CLVS1: variants seen among roughly 807,000 people sequenced by gnomAD.
The protein encoded by CLVS1 is clavesin-1.
A neutral mutation model predicts 33.1 loss-of-function variants in CLVS1; 10 were observed. That is an observed-to-expected ratio of 0.30 (90% CI 0.19 to 0.51). The LOEUF (loss-of-function observed/expected upper bound fraction) is 0.51, where lower values mean the gene tolerates loss of function less well. Ranked by LOEUF, CLVS1 falls within the 20% of genes least tolerant of loss-of-function variation. The pLI, the probability that CLVS1 is intolerant of heterozygous loss-of-function variation, is 0.97. For synonymous variants in CLVS1, 163 were observed against 166.1 expected (o/e 0.98, Z 0.14); for missense variants, 343 against 433.4 (o/e 0.79, Z 1.85).
chr8:61,381,239 T>C (rs1813865878), intron 3 of CLVS1, among the ~76,000 whole-genome samples: 1 of 152,122 alleles, frequency 6.6e-6, no homozygotes, highest in Non-Finnish European at 1.5e-5. Flanking sequence ...TGAGCCACTT[T>C]AGTAGAAAAG....
chr8:61,218,789 A>T (rs2129309060), intron 2 of CLVS1, among the ~76,000 whole-genome samples: 1 of 104,852 alleles, frequency 9.5e-6, no homozygotes, highest in Non-Finnish European at 1.7e-5. Flanking sequence ...ACAAAAAAAA[A>T]AAAAAAAAGC....
At chr8:61,025,451 T>C in the CLVS1 span, among the ~76,000 whole-genome samples, 2 of 152,204 alleles carry the variant, frequency 1.3e-5, no homozygotes, top group Non-Finnish European at 2.9e-5. Flanking sequence ...GAAGGTCTTT[T>C]TTCTGAGACT....
intron 2 of CLVS1, among the ~76,000 whole-genome samples, chr8:61,211,178 TG>T (rs1807963663): frequency 6.6e-6 from 1 of 152,078 alleles, no homozygotes; most frequent in Admixed American, 6.5e-5. Context: ...GTGAGAAATG[TG>T]GGGGTCATAT....
At chr8:61,499,035 C>CAA (rs1197362714) in intron 5 of CLVS1, among the ~76,000 whole-genome samples, 1 of 152,138 alleles carries the variant, frequency 6.6e-6, no homozygotes, top group East Asian at 1.9e-4. Flanking sequence ...TCCCTTTTAC[C>CAA]AAGAGAAGAG....
intron 5 of CLVS1, among the ~76,000 whole-genome samples, chr8:61,487,634 G>A (rs905374830): frequency 6.6e-6 from 1 of 152,140 alleles, no homozygotes; most frequent in Admixed American, 6.5e-5. Flanking sequence ...TAAGACAGTT[G>A]AAAAGCAAAT....
intron 2 of CLVS1, among the ~76,000 whole-genome samples, chr8:61,276,376 G>A (rs1005705273): frequency 1.3e-5 from 2 of 152,070 alleles, no homozygotes; most frequent in African/African-American, 4.8e-5. Context: ...TCTCTTCTAG[G>A]GATAATCCCA....
At chr8:61,044,570 T>C in the CLVS1 span, among the ~76,000 whole-genome samples, 1 of 152,134 alleles carries the variant, frequency 6.6e-6, no homozygotes, top group Admixed American at 6.5e-5. Context: ...CTCACACCTA[T>C]TGCCACATAG....
At chr8:61,439,359 C>G (rs1328363467) in intron 3 of CLVS1, among the ~76,000 whole-genome samples, 1 of 152,142 alleles carries the variant, frequency 6.6e-6, no homozygotes, top group African/African-American at 2.4e-5. Flanking sequence ...AAACATAAAC[C>G]CTTTTTAAGG....
intron 2 of CLVS1, among the ~76,000 whole-genome samples, chr8:61,233,207 C>T (rs1808482068): frequency 6.6e-6 from 1 of 152,170 alleles, no homozygotes; most frequent in Non-Finnish European, 1.5e-5. Context: ...AAATGTTTAT[C>T]TACCAGACAA....
At chr8:61,003,349 C>T in the CLVS1 span, among the ~76,000 whole-genome samples, 2 of 152,144 alleles carry the variant, frequency 1.3e-5, no homozygotes, top group Admixed American at 6.5e-5. Flanking sequence ...TTTCTCAGAA[C>T]AACACAGGGG....
chr8:61,047,080 G>T, the CLVS1 span, among the ~76,000 whole-genome samples: 1 of 152,086 alleles, frequency 6.6e-6, no homozygotes, highest in Non-Finnish European at 1.5e-5. Context: ...TTTTCAAAGG[G>T]AATGCTTCCA....
At chr8:61,451,812 C>CAGAGAGAGAGAGAG (rs71257362) in intron 3 of CLVS1, among the ~76,000 whole-genome samples, 36 of 142,936 alleles carry the variant, frequency 2.5e-4, no homozygotes, top group African/African-American at 7.6e-4. Context: ...CACACACACA[C>CAGAGAGAGAGAGAG]AGAGAGAGAG....
intron 3 of CLVS1, among the ~76,000 whole-genome samples, chr8:61,406,255 C>T (rs945045251): frequency 6.6e-6 from 1 of 152,200 alleles, no homozygotes; most frequent in Non-Finnish European, 1.5e-5. Flanking sequence ...ATATTTCAAC[C>T]ATTCAATACA....
chr8:61,187,256 C>G (rs1252960799), intron 2 of CLVS1, among the ~76,000 whole-genome samples: 1 of 151,916 alleles, frequency 6.6e-6, no homozygotes, highest in Admixed American at 6.6e-5. Context: ...ATAAAATTAC[C>G]ATTCATTTAA....
At chr8:61,072,188 G>C (rs907721561) in intron 1 of CLVS1, among the ~76,000 whole-genome samples, 13 of 152,102 alleles carry the variant, frequency 8.5e-5, no homozygotes, top group Non-Finnish European at 1.3e-4. Context: ...GCTTTCCTCA[G>C]CTTCACCCGC....
At chr8:61,298,470 C>T (rs1810300440) in intron 1 of CLVS1, among the ~76,000 whole-genome samples, 2 of 152,056 alleles carry the variant, frequency 1.3e-5, no homozygotes, top group Admixed American at 6.6e-5. Context: ...TATCCAAAGA[C>T]ATATAAAGTA....
At chr8:61,461,842 G>A (rs1817376968) in intron 5 of CLVS1, among the ~76,000 whole-genome samples, 1 of 152,146 alleles carries the variant, frequency 6.6e-6, no homozygotes, top group Admixed American at 6.5e-5. Flanking sequence ...AGCTGTCTAT[G>A]AGAACCTTCT....
chr8:61,056,673 C>A (rs903989218), upstream of CLVS1, among the ~76,000 whole-genome samples: 1 of 152,244 alleles, frequency 6.6e-6, no homozygotes, highest in East Asian at 1.9e-4. Context: ...TGACACAAAT[C>A]TCAAGCCCAC....
At chr8:61,328,567 A>G (rs1393423455) in intron 2 of CLVS1, among the ~76,000 whole-genome samples, 1 of 151,836 alleles carries the variant, frequency 6.6e-6, no homozygotes, top group Non-Finnish European at 1.5e-5. Context: ...CTCATCAAAG[A>G]ACTGTCATTT....
Sources: gnomAD v4.1 joint callset for allele counts (sites outside exome capture counted in the v4.1 genomes callset) on GRCh38, gnomAD v4.1.1 for gene constraint, MANE v1.5 for transcripts, NCBI Gene and HGNC (gene_info 2026-07-23, HGNC 2026-07-21) for gene names.